Variants in SEL1L3 observed in about 807,000 individuals in gnomAD.
SEL1L3 encodes the protein protein sel-1 homolog 3.
SEL1L3 carries 76 observed loss-of-function variants against 142.8 expected under a neutral mutation model. That is an observed-to-expected ratio of 0.53 (90% CI 0.44 to 0.64). The LOEUF (loss-of-function observed/expected upper bound fraction) is 0.64. Ranked by LOEUF, SEL1L3 falls within the 30% of genes least tolerant of loss-of-function variation. The pLI, the probability that SEL1L3 is intolerant of heterozygous loss-of-function variation, is 0.00. For synonymous variants in SEL1L3, 504 were observed against 519.6 expected (o/e 0.97, Z 0.41); for missense variants, 1,262 against 1,381.7 (o/e 0.91, Z 1.37).
intron 6 of SEL1L3, among the ~76,000 whole-genome samples, chr4:25,828,828 T>C (rs1715260384): frequency 6.6e-6 from 1 of 152,230 alleles, no homozygotes; most frequent in Non-Finnish European, 1.5e-5. Flanking sequence ...CCAGCCTGTT[T>C]GGAGAGGCAG....
intron 16 of SEL1L3, among the ~76,000 whole-genome samples, chr4:25,778,572 T>C (rs923374323): frequency 6.6e-6 from 1 of 152,280 alleles, no homozygotes; most frequent in South Asian, 2.1e-4. Context: ...TAAACCCTGA[T>C]ACTAATGTAA....
At chr4:25,802,557 A>G in intron 10 of SEL1L3, 95 bp from the exon 11 acceptor site, 1 of 982,510 alleles carries the variant, frequency 1.0e-6, no homozygotes, top group Non-Finnish European at 1.5e-6. Flanking sequence ...TCCTATATAC[A>G]ATCCTAGCCA....
intron 6 of SEL1L3, among the ~76,000 whole-genome samples, chr4:25,823,787 G>A (rs1027197927): frequency 1.3e-5 from 2 of 152,090 alleles, no homozygotes; most frequent in African/African-American, 4.8e-5. Context: ...AGGAGCAAAG[G>A]GCCGGAGTGA....
intron 6 of SEL1L3, among the ~76,000 whole-genome samples, chr4:25,826,875 C>A (rs1029989869): frequency 9.9e-5 from 15 of 151,984 alleles, no homozygotes; most frequent in African/African-American, 3.6e-4. Context: ...TGTTGCCCAG[C>A]CTGGTCTCAA....
chr4:25,860,272 C>G (rs554381078), intron 1 of SEL1L3, among the ~76,000 whole-genome samples: 38 of 152,294 alleles, frequency 2.5e-4, no homozygotes, highest in African/African-American at 8.2e-4. Context: ...CTTTCCTCCT[C>G]TAGAGTCTAC....
chr4:25,768,962 T>C (rs528205280), intron 17 of SEL1L3, among the ~76,000 whole-genome samples: 29 of 152,088 alleles, frequency 1.9e-4, no homozygotes, highest in Non-Finnish European at 4.4e-5. Context: ...CTAACAATAC[T>C]TATTTCTGGG....
intron 10 of SEL1L3, among the ~76,000 whole-genome samples, chr4:25,803,797 T>C (rs1713354022): frequency 6.6e-6 from 1 of 151,742 alleles, no homozygotes; most frequent in African/African-American, 2.4e-5. Flanking sequence ...TTTTTTGTTG[T>C]TGTTTTGGTT....
chr4:25,813,732 A>T (rs1328062386), intron 9 of SEL1L3, among the ~76,000 whole-genome samples: 3 of 152,248 alleles, frequency 2.0e-5, no homozygotes, highest in African/African-American at 7.2e-5. Flanking sequence ...TAAGAATTTT[A>T]AAAAGATAAA....
chr4:25,765,457 T>C (rs1217026336), intron 19 of SEL1L3, 22 bp from the exon 20 acceptor site: 1 of 1,512,848 alleles, frequency 6.6e-7, no homozygotes, highest in South Asian at 1.1e-5. Context: ...AAAGCACAGA[T>C]CCATTTGTCA....
chr4:25,839,870 T>A (rs1226285542), intron 2 of SEL1L3, among the ~76,000 whole-genome samples: 1 of 152,142 alleles, frequency 6.6e-6, no homozygotes, highest in Non-Finnish European at 1.5e-5. Flanking sequence ...GCCAGCTACA[T>A]CCCAAGGCCT....
chr4:25,846,170 C>T (rs1015594323), intron 2 of SEL1L3, among the ~76,000 whole-genome samples: 4 of 152,162 alleles, frequency 2.6e-5, no homozygotes, highest in African/African-American at 9.7e-5. Context: ...CAGAGCAAGG[C>T]GCTCCTTGCA....
At chr4:25,749,541 C>T (rs1717451316) in intron 23 of SEL1L3, among the ~76,000 whole-genome samples, 1 of 152,204 alleles carries the variant, frequency 6.6e-6, no homozygotes, top group Non-Finnish European at 1.5e-5. Flanking sequence ...AATCACTGCA[C>T]AAGCCCCCCA....
intron 1 of SEL1L3, among the ~76,000 whole-genome samples, chr4:25,849,167 A>G (rs1716727496): frequency 6.6e-6 from 1 of 152,216 alleles, no homozygotes; most frequent in Admixed American, 6.5e-5. Flanking sequence ...GATCAGACCC[A>G]GCAATTCCAC....
the SEL1L3 span, among the ~76,000 whole-genome samples, chr4:25,717,925 C>T: frequency 1.3e-5 from 2 of 152,142 alleles, no homozygotes; most frequent in East Asian, 1.9e-4. Flanking sequence ...CTAAGACCAA[C>T]GGATGACTCT....
At chr4:25,749,357 GA>G (rs1717440832) in intron 23 of SEL1L3, among the ~76,000 whole-genome samples, 2 of 152,002 alleles carry the variant, frequency 1.3e-5, no homozygotes, top group African/African-American at 4.8e-5. Context: ...AATCAGCAAT[GA>G]GTTTTCTGAT....
the SEL1L3 span, among the ~76,000 whole-genome samples, chr4:25,732,674 A>AT: frequency 4.1e-3 from 620 of 150,688 alleles, 2 homozygotes; most frequent in Non-Finnish European, 4.5e-3. Flanking sequence ...GCCCCACCAC[A>AT]TTTTTTTTTG....
the SEL1L3 span, among the ~76,000 whole-genome samples, chr4:25,738,705 G>A: frequency 2.6e-5 from 4 of 152,114 alleles, no homozygotes; most frequent in African/African-American, 9.7e-5. Context: ...GGTAATCATT[G>A]TCTTCAGTTC....
At chr4:25,846,214 G>C (rs1716497968) in intron 2 of SEL1L3, among the ~76,000 whole-genome samples, 1 of 152,188 alleles carries the variant, frequency 6.6e-6, no homozygotes, top group Non-Finnish European at 1.5e-5. Context: ...CCGCCTCTCA[G>C]CACATGCCTG....
the SEL1L3 span, among the ~76,000 whole-genome samples, chr4:25,715,246 C>T: frequency 2.6e-5 from 4 of 152,142 alleles, no homozygotes; most frequent in Non-Finnish European, 4.4e-5. Flanking sequence ...AATCCCAGCA[C>T]TTTGGGAGAT....
Sources: gnomAD v4.1 joint callset for allele counts (sites outside exome capture counted in the v4.1 genomes callset) on GRCh38, gnomAD v4.1.1 for gene constraint, MANE v1.5 for transcripts, NCBI Gene and HGNC (gene_info 2026-07-23, HGNC 2026-07-21) for gene names.